The following MED12L variants were observed in gnomAD, a reference collection of about 807,000 sequenced individuals.
MED12L encodes the protein mediator complex subunit 12L, also known as mediator of RNA polymerase II transcription subunit 12-like protein.
A neutral mutation model predicts 281.3 loss-of-function variants in MED12L; 60 were observed. The ratio of observed to expected loss-of-function variants is 0.21; its 90% CI spans 0.17 to 0.26. MED12L has a LOEUF of 0.26. Among genes scored for constraint, MED12L ranks in the 10% least tolerant of loss-of-function variants. The probability of loss-of-function intolerance (pLI) is 1.00; values close to 1 mark genes in which losing one functional copy is unlikely to be tolerated. For synonymous variants in MED12L, 974 were observed against 987.2 expected, an observed-to-expected ratio of 0.99 and a Z score of 0.25; for missense variants, 2,146 against 2,680.9, an observed-to-expected ratio of 0.80 and a Z score of 4.41.
At chr3:151,381,515 T>C (rs988624610) in intron 32 of MED12L, among the ~76,000 whole-genome samples, 1 of 152,192 alleles carries the variant, frequency 6.6e-6, no homozygotes, top group Non-Finnish European at 1.5e-5. Flanking sequence ...GCTGAGCAAA[T>C]TCTCATTTCA....
At chr3:151,302,400 A>C (rs927543398) in intron 16 of MED12L, among the ~76,000 whole-genome samples, 3 of 152,250 alleles carry the variant, frequency 2.0e-5, no homozygotes, top group African/African-American at 7.2e-5. Context: ...CTAAGAGATC[A>C]CAATAGACTT....
chr3:151,430,212 C>T (rs906566532), intron 43 of MED12L, 87 bp from the exon 44 acceptor site: 2 of 1,585,176 alleles, frequency 1.3e-6, no homozygotes, highest in Non-Finnish European at 1.7e-6. Flanking sequence ...AAGTACCTTA[C>T]AGACTGGCCC....
chr3:151,329,014 C>G, intron 16 of MED12L: 1 of 1,562,682 alleles, frequency 6.4e-7, no homozygotes, highest in Non-Finnish European at 8.6e-7. Flanking sequence ...TCACCTGTTA[C>G]CAATAAACAT....
intron 16 of MED12L, among the ~76,000 whole-genome samples, chr3:151,278,062 A>T (rs1742187449): frequency 6.6e-6 from 1 of 152,240 alleles, no homozygotes; most frequent in Admixed American, 6.5e-5. Flanking sequence ...GAAATCCTAA[A>T]TCATAAATGA....
At chr3:151,186,069 A>G (rs1442033269) in intron 12 of MED12L, among the ~76,000 whole-genome samples, 3 of 152,228 alleles carry the variant, frequency 2.0e-5, no homozygotes, top group African/African-American at 7.2e-5. Context: ...ATGATATTAT[A>G]AATACCAATT....
chr3:151,211,637 A>G (rs1389730286), intron 16 of MED12L, among the ~76,000 whole-genome samples: 5 of 152,074 alleles, frequency 3.3e-5, no homozygotes. Context: ...AGGTTATAGG[A>G]CATATGAAGT....
chr3:151,090,440 A>G (rs562054919), intron 2 of MED12L, among the ~76,000 whole-genome samples: 1 of 152,228 alleles, frequency 6.6e-6, no homozygotes, highest in Non-Finnish European at 1.5e-5. Context: ...GCATCTTGCC[A>G]TCTCCCCCTA....
At chr3:151,272,814 T>C (rs1156283713) in intron 16 of MED12L, among the ~76,000 whole-genome samples, 1 of 152,170 alleles carries the variant, frequency 6.6e-6, no homozygotes, top group East Asian at 1.9e-4. Context: ...ATGATAACTC[T>C]TACAGCCATT....
At chr3:151,252,386 A>G (rs546731895) in intron 16 of MED12L, among the ~76,000 whole-genome samples, 45 of 152,240 alleles carry the variant, frequency 3.0e-4, no homozygotes, top group African/African-American at 7.2e-4. Context: ...TTTTTCATAG[A>G]AAATAATTGC....
intron 4 of MED12L, among the ~76,000 whole-genome samples, chr3:151,127,189 G>T (rs1714666150): frequency 6.6e-6 from 1 of 152,172 alleles, no homozygotes; most frequent in Non-Finnish European, 1.5e-5. Context: ...TTGTGGTCTG[G>T]AAGACATAAT....
At chr3:151,352,452 G>A (rs57764098) in intron 17 of MED12L, among the ~76,000 whole-genome samples, 7,470 of 152,212 alleles carry the variant, frequency 0.049, 210 homozygotes, top group East Asian at 0.13. Flanking sequence ...CTGCTGTATT[G>A]TAAATAATCT....
chr3:151,086,164 C>T lies in MED12L; in HGVS notation c.-130+228C>T, dbSNP rs562500551. Among the ~76,000 whole-genome samples, 19 of 152,306 alleles carry T rather than the reference C, an allele frequency of 1.2e-4. 1 individual carries two copies. The South Asian group carries it at 3.9e-3, about 32-fold the overall frequency. On this transcript the variant is annotated intron_variant, in intron 1 of 44. Transcript: ENST00000687756. ...GCCGCCGCGACCGCCAGCAGCGCGC[C>T]TCGGCGCCTGCCCGGAGCCGCCGAG...
chr3:151,290,055 T>C (rs1474785382), intron 16 of MED12L, among the ~76,000 whole-genome samples: 2 of 152,068 alleles, frequency 1.3e-5, no homozygotes, highest in Non-Finnish European at 2.9e-5. Flanking sequence ...CATGCCTGGC[T>C]AATTTTTGTA....
intron 2 of MED12L, among the ~76,000 whole-genome samples, chr3:151,110,633 G>A (rs1025196563): frequency 1.3e-5 from 2 of 152,196 alleles, no homozygotes; most frequent in Admixed American, 6.5e-5. Context: ...CTAAAGTTTT[G>A]TACTAATAAA....
chr3:151,091,499 T>A (rs566201793), intron 2 of MED12L, among the ~76,000 whole-genome samples: 1 of 152,254 alleles, frequency 6.6e-6, no homozygotes, highest in African/African-American at 2.4e-5. Context: ...AGGGAAGACA[T>A]CCAGTTCTGC....
intron 38 of MED12L, 102 bp from the exon 39 acceptor site, chr3:151,394,554 A>G (rs1714709958): frequency 6.5e-7 from 1 of 1,545,808 alleles, no homozygotes; most frequent in Non-Finnish European, 8.7e-7. Context: ...TACTTTGTTC[A>G]TAAAGTGAGA....
At chr3:151,107,092 CTT>C (rs5853505) in intron 2 of MED12L, among the ~76,000 whole-genome samples, 159 of 138,660 alleles carry the variant, frequency 1.1e-3, no homozygotes, top group Admixed American at 1.7e-3. Flanking sequence ...GTGTCCCCAG[CTT>C]TTTTTTTTTT....
chr3:151,366,375 A>C (rs958352916), intron 23 of MED12L, among the ~76,000 whole-genome samples: 5 of 152,206 alleles, frequency 3.3e-5, no homozygotes, highest in Admixed American at 1.3e-4. Flanking sequence ...GAAGAAGGCC[A>C]CTTTGATATT....
intron 2 of MED12L, 111 bp downstream of exon 2, chr3:151,087,136 A>T (rs1719349114): frequency 1.1e-6 from 1 of 870,726 alleles, no homozygotes; most frequent in Non-Finnish European, 1.7e-6. Context: ...GAGGTCGGGG[A>T]GGGGGATTAG....
Sources: gnomAD v4.1 joint callset for allele counts (sites outside exome capture counted in the v4.1 genomes callset) on GRCh38, gnomAD v4.1.1 for gene constraint, MANE v1.5 for transcripts, NCBI Gene and HGNC (gene_info 2026-07-23, HGNC 2026-07-21) for gene names.